MAGI2: variants seen among roughly 807,000 people sequenced by gnomAD.
The protein encoded by MAGI2 is membrane-associated guanylate kinase, WW and PDZ domain-containing protein 2.
Under a neutral mutation model 133.3 loss-of-function variants are expected in MAGI2, and 35 were observed. The observed-to-expected ratio is 0.26, with a 90% confidence interval of 0.20 to 0.35. MAGI2 has a LOEUF of 0.35. Among genes scored for constraint, MAGI2 ranks in the 10% least tolerant of loss-of-function variants. The pLI, the probability that MAGI2 is intolerant of heterozygous loss-of-function variation, is 1.00. For missense variants in MAGI2, 1,636 were observed against 1,863.4 expected (o/e 0.88, Z 2.25); for synonymous variants, 729 against 710.6 (o/e 1.03, Z -0.41).
At chr7:78,037,722 A>G (rs2151077052) in intron 21 of MAGI2, among the ~76,000 whole-genome samples, 1 of 152,338 alleles carries the variant, frequency 6.6e-6, no homozygotes, top group East Asian at 1.9e-4. Flanking sequence ...CAAATGTGGA[A>G]AAACCCTCCT....
At chr7:78,707,398 C>G (rs1390280057) in intron 2 of MAGI2, among the ~76,000 whole-genome samples, 1 of 151,992 alleles carries the variant, frequency 6.6e-6, no homozygotes, top group Non-Finnish European at 1.5e-5. Context: ...ATTGGATATG[C>G]CTAAATATGA....
Position 78,055,529 on chromosome 7 carries a change from A to C in MAGI2, c.3706+23418T>G, listed in dbSNP as rs186934525. ...CTACTGAACCTGGGCTACTGTCTAT[A>C]ATAAGTCATCGTGAAAAGAGGTGGG... On this transcript the variant is annotated intron_variant, in intron 21 of 21. Coordinates refer to ENST00000354212, the MANE Select transcript of MAGI2 (RefSeq NM_012301.4). Among the ~76,000 whole-genome samples, 130 of 152,306 alleles carry C rather than the reference A, an allele frequency of 8.5e-4. No individual in the cohort carries two copies. In the Middle Eastern group the frequency reaches 0.01, roughly 12 times the overall value.
intron 6 of MAGI2, among the ~76,000 whole-genome samples, chr7:78,412,055 G>A (rs748254481): frequency 2.6e-5 from 4 of 152,020 alleles, no homozygotes; most frequent in East Asian, 1.9e-4. Context: ...GCAACTTTAA[G>A]GCATTGTAAG....
intron 1 of MAGI2, among the ~76,000 whole-genome samples, chr7:79,386,606 T>G (rs1470043208): frequency 3.3e-5 from 5 of 152,126 alleles, no homozygotes; most frequent in African/African-American, 4.8e-5. Flanking sequence ...GTTGTCAAGG[T>G]AACACATTCA....
At chr7:78,592,526 A>G (rs1339275115) in intron 3 of MAGI2, among the ~76,000 whole-genome samples, 1 of 152,224 alleles carries the variant, frequency 6.6e-6, no homozygotes, top group Non-Finnish European at 1.5e-5. Context: ...TTTATTGAAC[A>G]TATTATATGA....
intron 1 of MAGI2, among the ~76,000 whole-genome samples, chr7:79,215,206 C>A (rs967417886): frequency 6.6e-6 from 1 of 151,866 alleles, no homozygotes; most frequent in African/African-American, 2.4e-5. Context: ...GACTGACAAA[C>A]AGACTCTTTG....
intron 2 of MAGI2, among the ~76,000 whole-genome samples, chr7:78,958,480 C>G (rs1013573207): frequency 6.6e-6 from 1 of 152,134 alleles, no homozygotes; most frequent in Non-Finnish European, 1.5e-5. Context: ...TGAGTAATTT[C>G]TTGCCAATCA....
intron 1 of MAGI2, among the ~76,000 whole-genome samples, chr7:79,315,617 A>C (rs1838662418): frequency 6.6e-6 from 1 of 152,142 alleles, no homozygotes; most frequent in Non-Finnish European, 1.5e-5. Flanking sequence ...TGTATCATAA[A>C]TCCTGTATCT....
At chr7:79,353,539 C>A (rs1336124643) in intron 1 of MAGI2, 3 of 453,026 alleles carry the variant, frequency 6.6e-6, no homozygotes, top group East Asian at 1.4e-4. Flanking sequence ...CTATGGCCAC[C>A]ACTGCTTCAA....
At chr7:78,738,125 A>G (rs1822047298) in intron 2 of MAGI2, among the ~76,000 whole-genome samples, 1 of 152,124 alleles carries the variant, frequency 6.6e-6, no homozygotes, top group African/African-American at 2.4e-5. Flanking sequence ...ACTATATAAT[A>G]TATGCATATC....
chr7:79,445,191 A>T (rs1430785443), intron 1 of MAGI2, among the ~76,000 whole-genome samples: 1 of 152,234 alleles, frequency 6.6e-6, no homozygotes, highest in East Asian at 1.9e-4. Context: ...CTTAAATGTT[A>T]GACCTAAAAC....
At chr7:78,076,046 G>A (rs901551804) in intron 21 of MAGI2, among the ~76,000 whole-genome samples, 1 of 152,168 alleles carries the variant, frequency 6.6e-6, no homozygotes, top group African/African-American at 2.4e-5. Context: ...ATCAAAAGTA[G>A]CAGACAAGTG....
chr7:78,271,162 G>C (rs1794534096), intron 9 of MAGI2, among the ~76,000 whole-genome samples: 1 of 152,064 alleles, frequency 6.6e-6, no homozygotes, highest in African/African-American at 2.4e-5. Flanking sequence ...AGTTTATTGA[G>C]AGTTTTTAGC....
intron 1 of MAGI2, among the ~76,000 whole-genome samples, chr7:79,423,138 AT>A (rs1847096471): frequency 6.6e-6 from 1 of 152,114 alleles, no homozygotes; most frequent in Admixed American, 6.6e-5. Flanking sequence ...TAGAACCAAC[AT>A]AAAAAGGTAA....
intron 1 of MAGI2, among the ~76,000 whole-genome samples, chr7:79,360,864 TA>T (rs2129122321): frequency 6.6e-6 from 1 of 152,226 alleles, no homozygotes; most frequent in South Asian, 2.1e-4. Flanking sequence ...GTGGTAGATT[TA>T]AATGCTAACA....
chr7:78,717,832 C>T (rs990783983), intron 2 of MAGI2, among the ~76,000 whole-genome samples: 2 of 152,074 alleles, frequency 1.3e-5, no homozygotes, highest in Non-Finnish European at 2.9e-5. Context: ...TTCACTAGTA[C>T]TGACAATAGC....
At chr7:78,180,924 ATTTTTTTTTT>A (rs371615787) in intron 13 of MAGI2, among the ~76,000 whole-genome samples, 1 of 108,010 alleles carries the variant, frequency 9.3e-6, no homozygotes, top group East Asian at 2.9e-4. Flanking sequence ...AGGCAGCAGT[ATTTTTTTTTT>A]TTTTTTTTTT....
intron 3 of MAGI2, chr7:78,618,984 G>A (rs1807413692): frequency 8.0e-6 from 1 of 124,716 alleles, no homozygotes; most frequent in Admixed American, 9.1e-5. Flanking sequence ...AGTCATCATG[G>A]ATTGCATACT....
intron 21 of MAGI2, among the ~76,000 whole-genome samples, chr7:78,066,783 G>T (rs776497724): frequency 1.1e-4 from 16 of 152,208 alleles, no homozygotes; most frequent in Admixed American, 2.0e-4. Flanking sequence ...TCTGCTCAGG[G>T]TGAGATAAGG....
Sources: allele counts gnomAD v4.1 joint callset (sites outside exome capture counted in the v4.1 genomes callset), GRCh38; gene constraint gnomAD v4.1.1; transcripts MANE v1.5; gene names NCBI Gene and HGNC (gene_info 2026-07-23, HGNC 2026-07-21).